Variants in TCF7L1 observed in about 807,000 individuals in gnomAD.
TCF7L1 encodes transcription factor 7-like 1.
In TCF7L1, 18 loss-of-function variants were observed where a neutral mutation model predicts 63.7. The ratio of observed to expected loss-of-function variants is 0.28; its 90% CI spans 0.20 to 0.42. TCF7L1 has a LOEUF of 0.42. Ranked by LOEUF, TCF7L1 falls within the 10% of genes least tolerant of loss-of-function variation. TCF7L1 has a pLI of 1.00. For synonymous variants in TCF7L1, 355 were observed against 340.9 expected, an observed-to-expected ratio of 1.04 and a Z score of -0.46; for missense variants, 654 against 779.3, an observed-to-expected ratio of 0.84 and a Z score of 1.91.
intron 3 of TCF7L1, among the ~76,000 whole-genome samples, chr2:85,230,581 C>T (rs534947345): frequency 2.0e-5 from 3 of 152,288 alleles, no homozygotes; most frequent in East Asian, 3.9e-4. Context: ...GTTATCCACT[C>T]GTCTCAGCCT....
At chr2:85,232,678 C>A (rs1307085171) in intron 3 of TCF7L1, among the ~76,000 whole-genome samples, 9 of 152,170 alleles carry the variant, frequency 5.9e-5, no homozygotes, top group Admixed American at 5.9e-4. Context: ...ATTTTTCTTC[C>A]AGTGACATAT....
intron 11 of TCF7L1, among the ~76,000 whole-genome samples, chr2:85,307,963 C>T (rs925733751): frequency 2.0e-5 from 3 of 152,166 alleles, no homozygotes; most frequent in Non-Finnish European, 2.9e-5. Context: ...AAAGCCTAGA[C>T]AATCTAATTC....
chr2:85,191,825 C>CA (rs758489919), intron 3 of TCF7L1, among the ~76,000 whole-genome samples: 8,251 of 91,158 alleles, frequency 0.091, 793 homozygotes, highest in African/African-American at 0.27. Flanking sequence ...AACTCCATCT[C>CA]AAAAAAAAAA....
At chr2:85,282,867 G>A (rs955582793) in intron 3 of TCF7L1, among the ~76,000 whole-genome samples, 5 of 147,136 alleles carry the variant, frequency 3.4e-5, no homozygotes, top group African/African-American at 1.3e-4. Context: ...TTTGGTTTGG[G>A]TTTTTTGCAC....
intron 3 of TCF7L1, among the ~76,000 whole-genome samples, chr2:85,149,026 G>A (rs956501873): frequency 2.0e-5 from 3 of 151,992 alleles, no homozygotes; most frequent in Admixed American, 6.6e-5. Flanking sequence ...TGATCCACCC[G>A]CCTTGGCCTC....
chr2:85,144,025 T>C (rs2104192137), intron 3 of TCF7L1, among the ~76,000 whole-genome samples: 1 of 152,228 alleles, frequency 6.6e-6, no homozygotes, highest in African/African-American at 2.4e-5. Context: ...CTCATTGAAA[T>C]TGGTGAGGGT....
chr2:85,180,891 C>T (rs932733285), intron 3 of TCF7L1, among the ~76,000 whole-genome samples: 3 of 152,224 alleles, frequency 2.0e-5, no homozygotes, highest in Admixed American at 6.5e-5. Context: ...GTAGCTAGAC[C>T]GCTTCCTCCC....
chr2:85,152,493 G>A (rs768825683), intron 3 of TCF7L1, among the ~76,000 whole-genome samples: 82 of 149,784 alleles, frequency 5.5e-4, no homozygotes, highest in Non-Finnish European at 9.3e-4. Flanking sequence ...GGAGTGCAGG[G>A]GCGCGATCTT....
chr2:85,302,726 T>C, intron 5 of TCF7L1, 110 bp downstream of exon 5: 2 of 1,394,194 alleles, frequency 1.4e-6, no homozygotes, highest in Non-Finnish European at 1.9e-6. Flanking sequence ...TCATGGCTCT[T>C]TGTCTCAGGA....
chr2:85,196,040 C>T (rs2104271315), intron 3 of TCF7L1, among the ~76,000 whole-genome samples: 1 of 152,240 alleles, frequency 6.6e-6, no homozygotes, highest in Non-Finnish European at 1.5e-5. Context: ...GCAGCCCAGT[C>T]TGCACCCACA....
intron 4 of TCF7L1, among the ~76,000 whole-genome samples, chr2:85,284,163 AC>A (rs1681487065): frequency 6.6e-6 from 1 of 152,178 alleles, no homozygotes; most frequent in African/African-American, 2.4e-5. Context: ...GGCATGTGCC[AC>A]CACGCCTGGC....
rs563170213 is a variant in TCF7L1, at chr2:85,238,280, G to A, written c.442-45215G>A. 3.3e-5 allele frequency among the ~76,000 whole-genome samples: 5 copies of A among 152,170 alleles called. No individual in the cohort carries two copies. In the South Asian group the frequency reaches 8.3e-4, roughly 25 times the overall value. The stretch of plus-strand genomic sequence containing the variant: ...GTTTTGGAGGAAGGGGAGGAGCCCC[G>A]AAGTCAGGGCAGGCAGCGGGAGGCG... On this transcript the variant is annotated intron_variant, in intron 3 of 11. Coordinates refer to ENST00000282111, the MANE Select transcript of TCF7L1 (RefSeq NM_031283.3).
At chr2:85,290,670 A>G (rs370982842) in intron 4 of TCF7L1, among the ~76,000 whole-genome samples, 3 of 152,236 alleles carry the variant, frequency 2.0e-5, no homozygotes, top group African/African-American at 7.2e-5. Context: ...AGGGTTCTCC[A>G]GGGAAACAGA....
intron 3 of TCF7L1, among the ~76,000 whole-genome samples, chr2:85,176,113 T>A (rs1182385567): frequency 6.6e-6 from 1 of 152,204 alleles, no homozygotes; most frequent in African/African-American, 2.4e-5. Flanking sequence ...TGGAAACTGA[T>A]GATATTTGTA....
intron 3 of TCF7L1, among the ~76,000 whole-genome samples, chr2:85,200,098 T>G (rs916017503): frequency 1.3e-5 from 2 of 152,238 alleles, no homozygotes; most frequent in Non-Finnish European, 2.9e-5. Context: ...CATTTTATTT[T>G]TGGATAATAT....
At chr2:85,141,429 G>A (rs1677734465) in intron 3 of TCF7L1, among the ~76,000 whole-genome samples, 2 of 152,148 alleles carry the variant, frequency 1.3e-5, no homozygotes, top group Admixed American at 6.5e-5. Flanking sequence ...GTGTGGCCCA[G>A]TGCCTCCCCC....
intron 3 of TCF7L1, among the ~76,000 whole-genome samples, chr2:85,169,604 G>A (rs1678500226): frequency 6.6e-6 from 1 of 152,118 alleles, no homozygotes; most frequent in African/African-American, 2.4e-5. Flanking sequence ...ACAAGACAAA[G>A]CATATTGTGT....
chr2:85,212,613 A>G (rs938505179), intron 3 of TCF7L1, among the ~76,000 whole-genome samples: 36 of 152,330 alleles, frequency 2.4e-4, no homozygotes, highest in African/African-American at 8.7e-4. Context: ...GCAGGGGGAC[A>G]GCAAGAGTAA....
intron 3 of TCF7L1, among the ~76,000 whole-genome samples, chr2:85,170,741 G>C (rs1678528906): frequency 6.6e-6 from 1 of 152,144 alleles, no homozygotes; most frequent in South Asian, 2.1e-4. Context: ...GTGGAGTTTT[G>C]AAAGTGATTT....
Sources: gnomAD v4.1 joint callset for allele counts (sites outside exome capture counted in the v4.1 genomes callset) on GRCh38, gnomAD v4.1.1 for gene constraint, MANE v1.5 for transcripts, NCBI Gene and HGNC (gene_info 2026-07-23, HGNC 2026-07-21) for gene names.